The following AKAP6 variants were observed in gnomAD, a reference collection of about 807,000 sequenced individuals.
AKAP6 encodes the protein A-kinase anchoring protein 6.
AKAP6 carries 58 observed loss-of-function variants against 188.5 expected under a neutral mutation model. That is an observed-to-expected ratio of 0.31 (90% CI 0.25 to 0.38). The LOEUF (loss-of-function observed/expected upper bound fraction) is 0.38, where lower values mean the gene tolerates loss of function less well. AKAP6 is among the 10% of genes least tolerant of loss of function. AKAP6 has a pLI of 1.00. For missense variants in AKAP6, 2,710 were observed against 2,740.0 expected, an observed-to-expected ratio of 0.99 and a Z score of 0.24; for synonymous variants, 989 against 998.6, an observed-to-expected ratio of 0.99 and a Z score of 0.18.
intron 1 of AKAP6, among the ~76,000 whole-genome samples, chr14:32,341,901 A>G (rs1886901733): frequency 6.6e-6 from 1 of 152,180 alleles, no homozygotes; most frequent in African/African-American, 2.4e-5. Context: ...AATTCCAGCT[A>G]CTAGGGAGGC....
At chr14:32,577,292 G>A (rs199770169) in intron 5 of AKAP6, 50 bp downstream of exon 5, 48 of 1,579,112 alleles carry the variant, frequency 3.0e-5, no homozygotes, top group Admixed American at 2.6e-4. Flanking sequence ...GGATTTTAAT[G>A]TACTGCTTGT....
chr14:32,515,650 A>T (rs866370030), intron 2 of AKAP6, among the ~76,000 whole-genome samples: 18 of 152,128 alleles, frequency 1.2e-4, no homozygotes, highest in Admixed American at 4.6e-4. Flanking sequence ...ATCTATGGGG[A>T]TACAGATAAC....
At chr14:32,561,738 C>G (rs1287913037) in intron 4 of AKAP6, among the ~76,000 whole-genome samples, 1 of 152,140 alleles carries the variant, frequency 6.6e-6, no homozygotes, top group Non-Finnish European at 1.5e-5. Context: ...GCCAAGAGAC[C>G]AGGGCCAGTG....
intron 2 of AKAP6, among the ~76,000 whole-genome samples, chr14:32,507,569 T>C (rs1880943265): frequency 6.6e-6 from 1 of 151,852 alleles, no homozygotes; most frequent in Non-Finnish European, 1.5e-5. Flanking sequence ...ATTTCCATCC[T>C]TTTTTTCCTT....
intron 2 of AKAP6, among the ~76,000 whole-genome samples, chr14:32,505,671 T>C (rs1291751439): frequency 1.3e-5 from 2 of 152,150 alleles, no homozygotes; most frequent in Non-Finnish European, 2.9e-5. Flanking sequence ...TTATGTTACA[T>C]GCAAAATGTA....
chr14:32,565,751 C>T (rs1884156061), intron 4 of AKAP6, among the ~76,000 whole-genome samples: 1 of 152,184 alleles, frequency 6.6e-6, no homozygotes, highest in Admixed American at 6.5e-5. Context: ...ACTCTGCAAC[C>T]TCATTTCTAA....
intron 12 of AKAP6, among the ~76,000 whole-genome samples, chr14:32,796,557 G>A (rs889252895): frequency 6.6e-6 from 1 of 152,216 alleles, no homozygotes; most frequent in Admixed American, 6.5e-5. Context: ...AATAAATGGT[G>A]CTGGGACAGC....
chr14:32,659,476 C>T (rs974723492), intron 7 of AKAP6, among the ~76,000 whole-genome samples: 26 of 152,032 alleles, frequency 1.7e-4, no homozygotes, highest in African/African-American at 6.0e-4. Flanking sequence ...GGTGTTATTT[C>T]GGAAGATAAG....
At chr14:32,396,129 G>A (rs1007144797) in intron 1 of AKAP6, among the ~76,000 whole-genome samples, 2 of 152,114 alleles carry the variant, frequency 1.3e-5, no homozygotes, top group African/African-American at 4.8e-5. Context: ...TGGGAGAAGA[G>A]GGAGAATGAT....
Position 32,835,762 on chromosome 14 carries a change from T to C in AKAP6, c.*5957T>C, listed in dbSNP as rs1334597121. The C allele has an allele frequency of 1.7e-5, 1 of 60,038 alleles. No individual in the cohort carries two copies. The highest frequency in any genetic ancestry group is 5.5e-5 in the Non-Finnish European group (1 of 18,316). 3.7% of individuals were successfully genotyped at this position (60,038 alleles called of 1,614,324 possible). On this transcript the variant is annotated 3_prime_UTR_variant, in exon 14 of 14. Coordinates refer to ENST00000280979, the MANE Select transcript of AKAP6 (RefSeq NM_004274.5). Reference sequence around the variant, plus strand: ...ATGTTCAAAAAGAATAGTCCTTCTTTTCTTTCTTAAATTCACCTTTGATAG... The same window carrying C: ...ATGTTCAAAAAGAATAGTCCTTCTTCTCTTTCTTAAATTCACCTTTGATAG...
At chr14:32,789,130 G>T (rs181224583) in intron 12 of AKAP6, among the ~76,000 whole-genome samples, 9 of 148,164 alleles carry the variant, frequency 6.1e-5, no homozygotes, top group Non-Finnish European at 1.2e-4. Flanking sequence ...TTCTTTAAGC[G>T]GAACCTAGAT....
chr14:32,747,480 TA>T (rs2031960568), intron 11 of AKAP6, among the ~76,000 whole-genome samples: 3 of 152,206 alleles, frequency 2.0e-5, no homozygotes, highest in Non-Finnish European at 2.9e-5. Flanking sequence ...TAGATACATT[TA>T]AAAAAACTAT....
At chr14:32,645,910 C>T (rs114780492) in intron 7 of AKAP6, among the ~76,000 whole-genome samples, 2,951 of 152,148 alleles carry the variant, frequency 0.019, 88 homozygotes, top group African/African-American at 0.061. Context: ...TGCCATTCCT[C>T]GGAGAAAGCA....
At chr14:32,786,187 T>C (rs943785550) in intron 12 of AKAP6, among the ~76,000 whole-genome samples, 2 of 152,040 alleles carry the variant, frequency 1.3e-5, no homozygotes, top group Admixed American at 1.3e-4. Context: ...TGTAACCATT[T>C]TGGTGCACTG....
At chr14:32,352,392 C>T (rs1319185166) in intron 1 of AKAP6, among the ~76,000 whole-genome samples, 4 of 151,988 alleles carry the variant, frequency 2.6e-5, no homozygotes, top group African/African-American at 9.7e-5. Flanking sequence ...TCATCTCAAA[C>T]ATTTATCATT....
At chr14:32,735,576 CTA>C (rs761440295) in intron 10 of AKAP6, 80 bp from the exon 11 acceptor site, 1 of 1,073,654 alleles carries the variant, frequency 9.3e-7, no homozygotes, top group Non-Finnish European at 1.3e-6. Flanking sequence ...CTAAGTTAAT[CTA>C]TGTTTTTGTT....
At chr14:32,453,251 C>G (rs1030295630) in intron 2 of AKAP6, among the ~76,000 whole-genome samples, 3 of 152,124 alleles carry the variant, frequency 2.0e-5, no homozygotes, top group African/African-American at 7.2e-5. Context: ...AAGCAGAGGC[C>G]CCGAGAAGTT....
intron 11 of AKAP6, among the ~76,000 whole-genome samples, chr14:32,758,881 A>G (rs1383537434): frequency 6.6e-6 from 1 of 152,216 alleles, no homozygotes; most frequent in Non-Finnish European, 1.5e-5. Context: ...TGGCATTGGA[A>G]CTCAGAGATT....
At position 32,821,999 on chromosome 14, in the gene AKAP6, G is replaced by A. The variant is rs887633950; in HGVS notation, c.4186G>A (p.Glu1396Lys). 1 of 1,613,784 alleles carries A rather than the reference G, an allele frequency of 6.2e-7. No homozygotes were observed. Among genetic ancestry groups the A allele is most frequent in the African/African-American group, 1.3e-5 (1 of 74,870 alleles). The change falls in exon 13 of 14, where the codon GAA becomes AAA. Residue 1396 changes from glutamate to lysine, a missense_variant. This residue lies in a region of AKAP6 where 2,473 missense variants were observed against 2,426.1 expected (regional missense o/e 1.02). Coordinates refer to ENST00000280979, the MANE Select transcript of AKAP6 (RefSeq NM_004274.5). Reference sequence around the variant, plus strand: ...TGGGTCCCCAAGTAACCTTGAAACTGAACATCTGGACCCACAAATGGGAGA... The same window carrying A: ...TGGGTCCCCAAGTAACCTTGAAACTAAACATCTGGACCCACAAATGGGAGA... ...VDGSPSNLET[E>K]HLDPQMGDAV...
Sources: allele counts gnomAD v4.1 joint callset (sites outside exome capture counted in the v4.1 genomes callset), GRCh38; gene constraint gnomAD v4.1.1; regional missense constraint gnomAD v4.1.1; transcripts MANE v1.5; gene names NCBI Gene and HGNC (gene_info 2026-07-23, HGNC 2026-07-21).